LHFPL3: variants seen among roughly 807,000 people sequenced by gnomAD.
LHFPL3 encodes the protein LHFPL tetraspan subfamily member 3 protein.
A neutral mutation model predicts 19.3 loss-of-function variants in LHFPL3; 5 were observed. The observed-to-expected ratio is 0.26, with a 90% CI of 0.14 to 0.54. The LOEUF (loss-of-function observed/expected upper bound fraction) is 0.54. LHFPL3 is among the 20% of genes least tolerant of loss of function. The pLI is 0.94. For missense variants in LHFPL3, 249 were observed against 307.4 expected (o/e 0.81, Z 1.42); for synonymous variants, 133 against 126.2 (o/e 1.05, Z -0.36).
chr7:104,559,050 G>T (rs1384583145), intron 1 of LHFPL3, among the ~76,000 whole-genome samples: 17 of 147,744 alleles, frequency 1.2e-4, no homozygotes, highest in Admixed American at 9.3e-4. Context: ...TCTCTGTTTT[G>T]GTACCAGTAC....
chr7:104,406,834 G>T (rs1384020155), intron 1 of LHFPL3, among the ~76,000 whole-genome samples: 2 of 152,252 alleles, frequency 1.3e-5, no homozygotes, highest in African/African-American at 4.8e-5. Flanking sequence ...ACACACCTTT[G>T]CTTGAGGGGA....
chr7:104,333,611 C>G (rs1014167341), intron 1 of LHFPL3, among the ~76,000 whole-genome samples: 1 of 152,130 alleles, frequency 6.6e-6, no homozygotes, highest in Non-Finnish European at 1.5e-5. Context: ...TCTTTTTATC[C>G]CGCTTGCTAC....
chr7:104,391,398 CA>C (rs1791065653), intron 1 of LHFPL3, among the ~76,000 whole-genome samples: 1 of 152,216 alleles, frequency 6.6e-6, no homozygotes, highest in Admixed American at 6.5e-5. Flanking sequence ...CAGCTTTCTA[CA>C]TATGGCTAGC....
At chr7:104,587,460 T>C (rs1790603976) in intron 1 of LHFPL3, among the ~76,000 whole-genome samples, 1 of 152,232 alleles carries the variant, frequency 6.6e-6, no homozygotes, top group South Asian at 2.1e-4. Flanking sequence ...CATCATTTTT[T>C]ATGGCTGCAT....
chr7:104,896,719 G>C (rs894051973), intron 2 of LHFPL3, among the ~76,000 whole-genome samples: 2 of 152,182 alleles, frequency 1.3e-5, no homozygotes, highest in African/African-American at 2.4e-5. Context: ...CTGGAGCAGG[G>C]AGAGGCCACA....
intron 2 of LHFPL3, among the ~76,000 whole-genome samples, chr7:104,755,017 A>C (rs1408115381): frequency 6.6e-6 from 1 of 152,192 alleles, no homozygotes; most frequent in Non-Finnish European, 1.5e-5. Context: ...AAGTGGGTCC[A>C]TTGACTATTT....
At chr7:104,492,598 T>C (rs1198391428) in intron 1 of LHFPL3, among the ~76,000 whole-genome samples, 2 of 152,254 alleles carry the variant, frequency 1.3e-5, no homozygotes, top group Non-Finnish European at 2.9e-5. Flanking sequence ...TTCACAAATA[T>C]TGTACACCAA....
At chr7:104,614,470 TG>T (rs1280845222) in intron 1 of LHFPL3, among the ~76,000 whole-genome samples, 1 of 152,154 alleles carries the variant, frequency 6.6e-6, no homozygotes, top group Non-Finnish European at 1.5e-5. Context: ...AACTGGCACC[TG>T]GTAAACACAC....
intron 1 of LHFPL3, among the ~76,000 whole-genome samples, chr7:104,345,755 G>C (rs1311231854): frequency 1.3e-5 from 2 of 151,842 alleles, no homozygotes; most frequent in Non-Finnish European, 2.9e-5. Context: ...CATAATAAGT[G>C]GTTTTACAAA....
intron 2 of LHFPL3, among the ~76,000 whole-genome samples, chr7:104,904,305 C>A (rs1185031045): frequency 6.6e-6 from 1 of 152,198 alleles, no homozygotes; most frequent in East Asian, 1.9e-4. Flanking sequence ...AGAGGATTTT[C>A]TAGCACACAT....
intron 2 of LHFPL3, among the ~76,000 whole-genome samples, chr7:104,809,180 C>A (rs1790421397): frequency 6.6e-6 from 1 of 152,204 alleles, no homozygotes; most frequent in South Asian, 2.1e-4. Flanking sequence ...AGGCGTGAGC[C>A]CGCGTGCCCA....
intron 1 of LHFPL3, among the ~76,000 whole-genome samples, chr7:104,563,542 C>T (rs1185555065): frequency 4.6e-5 from 7 of 152,310 alleles, no homozygotes; most frequent in African/African-American, 7.2e-5. Flanking sequence ...TGCTTCGGCT[C>T]GCGCACGGTG....
At chr7:104,680,081 C>T (rs1167375092) in intron 1 of LHFPL3, among the ~76,000 whole-genome samples, 2 of 152,148 alleles carry the variant, frequency 1.3e-5, no homozygotes, top group Admixed American at 6.5e-5. Flanking sequence ...GCTTCTCAAA[C>T]CTAACATGTT....
At chr7:104,836,861 T>G (rs1213403836) in intron 2 of LHFPL3, among the ~76,000 whole-genome samples, 2 of 152,224 alleles carry the variant, frequency 1.3e-5, no homozygotes, top group African/African-American at 4.8e-5. Context: ...GCTTGTAGGA[T>G]GTCAGTTTAT....
intron 1 of LHFPL3, among the ~76,000 whole-genome samples, chr7:104,731,298 TAC>T (rs1164353630): frequency 1.3e-4 from 14 of 105,964 alleles, no homozygotes; most frequent in African/African-American, 5.1e-4. Flanking sequence ...GCATTGAATC[TAC>T]GAATTACCTT....
intron 2 of LHFPL3, among the ~76,000 whole-genome samples, chr7:104,821,612 G>C (rs1183126679): frequency 6.6e-6 from 1 of 152,150 alleles, no homozygotes; most frequent in Non-Finnish European, 1.5e-5. Context: ...CCTTTTAAAG[G>C]CATTACGTGC....
chr7:104,526,396 G>A (rs891545250), intron 1 of LHFPL3, among the ~76,000 whole-genome samples: 3 of 152,210 alleles, frequency 2.0e-5, no homozygotes, highest in Admixed American at 1.3e-4. Context: ...AAATATAGGG[G>A]CTGGCAGAAA....
intron 1 of LHFPL3, among the ~76,000 whole-genome samples, chr7:104,686,121 G>A (rs1338195606): frequency 6.6e-6 from 1 of 152,216 alleles, no homozygotes; most frequent in African/African-American, 2.4e-5. Flanking sequence ...GTTGAAGGTA[G>A]TAAGGGGAAC....
At chr7:104,561,256 T>C (rs1163196686) in intron 1 of LHFPL3, among the ~76,000 whole-genome samples, 1 of 148,742 alleles carries the variant, frequency 6.7e-6, no homozygotes, top group Non-Finnish European at 1.5e-5. Context: ...CCTGTCTCGT[T>C]GATCTGTCTA....
Sources: gnomAD v4.1 joint callset for allele counts (sites outside exome capture counted in the v4.1 genomes callset) on GRCh38, gnomAD v4.1.1 for gene constraint, MANE v1.5 for transcripts, NCBI Gene and HGNC (gene_info 2026-07-23, HGNC 2026-07-21) for gene names.